The following MFSD11 variants were observed in gnomAD, a reference collection of about 807,000 sequenced individuals.
The protein encoded by MFSD11 is major facilitator superfamily domain containing 11, also known as UNC93-like protein MFSD11.
MFSD11 carries 36 observed loss-of-function variants against 53.5 expected under a neutral mutation model. That is an observed-to-expected ratio of 0.67 (90% CI 0.52 to 0.89). The LOEUF is 0.89. Ranked by LOEUF, MFSD11 falls within the 40% of genes least tolerant of loss-of-function variation. MFSD11 has a pLI of 0.00. For synonymous variants in MFSD11, 186 were observed against 184.9 expected (o/e 1.01, Z -0.05); for missense variants, 530 against 543.9 (o/e 0.97, Z 0.25).
rs191139387 is a variant in MFSD11, at chr17:76,767,696, C to T, written c.748+245C>T. On this transcript the variant is annotated intron_variant, in intron 9 of 12. Coordinates refer to ENST00000685175, the MANE Select transcript of MFSD11 (RefSeq NM_001242532.5). ...CAGAGCTGCTCTCCATCTCCACGACCCCCTCCATAAGATCACCTTGTGATC... is the reference window on the plus strand; with the variant it reads ...CAGAGCTGCTCTCCATCTCCACGACTCCCTCCATAAGATCACCTTGTGATC... Among the ~76,000 whole-genome samples, 487 of 152,002 alleles carry T rather than the reference C, an allele frequency of 3.2e-3. 1 individual carries two copies. The highest frequency in any genetic ancestry group is 6.0e-3 in the Admixed American group (91 of 15,240).
At position 76,776,788 on chromosome 17, in the gene MFSD11, A is replaced by ACC. The variant is rs2081872369; in HGVS notation, c.1185+248_1185+249insCC. Among the ~76,000 whole-genome samples, 1 of 151,548 alleles carries ACC rather than the reference A, an allele frequency of 6.6e-6. No individual in the cohort carries two copies. The highest frequency in any genetic ancestry group is 1.5e-5 in the Non-Finnish European group (1 of 67,924). On this transcript the variant is annotated intron_variant, in intron 12 of 12. Coordinates refer to ENST00000685175, the MANE Select transcript of MFSD11 (RefSeq NM_001242532.5). The surrounding 1 kb of genome is among the most constrained non-coding windows in gnomAD (Gnocchi z 4.2). ...CCTGAGTAGCTGAGATTACAGGTGC[A>ACC]CACCACCATGCCTGGCTAATTTTTG...
At chr17:76,798,588 C>G in the MFSD11 span, among the ~76,000 whole-genome samples, 9 of 152,046 alleles carry the variant, frequency 5.9e-5, no homozygotes, top group Admixed American at 5.9e-4. Flanking sequence ...CAGGAAATTC[C>G]AAGGCTTGTA....
chr17:76,744,808 A>G (rs1347593333), intron 7 of MFSD11, among the ~76,000 whole-genome samples: 1 of 152,162 alleles, frequency 6.6e-6, no homozygotes, highest in Non-Finnish European at 1.5e-5. Flanking sequence ...AATAGAAGGC[A>G]GTGTTGACCT....
chr17:76,790,549 C>T, the MFSD11 span, among the ~76,000 whole-genome samples: 4 of 147,230 alleles, frequency 2.7e-5, no homozygotes, highest in South Asian at 6.8e-4. Flanking sequence ...AACTCCTGGG[C>T]TCAAGCAATC....
At chr17:76,789,987 T>C in the MFSD11 span, among the ~76,000 whole-genome samples, 724 of 150,562 alleles carry the variant, frequency 4.8e-3, 36 homozygotes, top group African/African-American at 0.016. Flanking sequence ...CATAATTACT[T>C]TGGCTTGTTT....
chr17:76,795,076 GA>G, the MFSD11 span, among the ~76,000 whole-genome samples: 2 of 152,016 alleles, frequency 1.3e-5, no homozygotes, highest in Admixed American at 6.6e-5. Context: ...AAAATATGGG[GA>G]AAAAAATTGT....
At chr17:76,736,703 G>A (rs151217137), upstream of MFSD11, 3 of 1,327,138 alleles carry the variant, frequency 2.3e-6, no homozygotes, top group Non-Finnish European at 2.9e-6. Flanking sequence ...CCCCGTCCGG[G>A]CCCGCACCAC....
chr17:76,737,280 C>A, upstream of MFSD11: 1 of 1,358,536 alleles, frequency 7.4e-7, no homozygotes, highest in Non-Finnish European at 9.8e-7. Flanking sequence ...AAAGGCCTTG[C>A]CGCAGAACAG....
At chr17:76,801,795 T>G in the MFSD11 span, among the ~76,000 whole-genome samples, 1 of 152,130 alleles carries the variant, frequency 6.6e-6, no homozygotes, top group Non-Finnish European at 1.5e-5. Flanking sequence ...GGCTGGCTTC[T>G]TTACTGCATT....
chr17:76,800,516 T>C, the MFSD11 span, among the ~76,000 whole-genome samples: 1 of 152,186 alleles, frequency 6.6e-6, no homozygotes, highest in Non-Finnish European at 1.5e-5. Context: ...CTGTGGGTAA[T>C]AGCCAACTCG....
At chr17:76,742,960 A>G (rs892529493) in intron 5 of MFSD11, among the ~76,000 whole-genome samples, 1 of 152,248 alleles carries the variant, frequency 6.6e-6, no homozygotes, top group East Asian at 1.9e-4. Flanking sequence ...AAAGAGTTGT[A>G]TATTAAGAAA....
In MFSD11 at chr17:76,775,063, G is replaced by A; in HGVS notation, c.941G>A (p.Gly314Asp). The part of the protein sequence containing the change: ...RFGRNPVVLL[G>D]ILVHFIAFYL... The stretch of plus-strand genomic sequence containing the variant: ...GGTAGAAATCCAGTTGTGCTGTTGG[G>A]CATCCTGGTGCACTTCATAGCTTTT... Residue 314 changes from glycine to aspartate, a missense_variant, in exon 11 of 13, where the codon GGC becomes GAC. Transcript: ENST00000685175. 1.2e-6 allele frequency: 2 copies of A among 1,614,050 alleles called. No homozygotes were observed. Among genetic ancestry groups the A allele is most frequent in the Non-Finnish European group, 1.7e-6 (2 of 1,179,956 alleles).
At chr17:76,737,302 T>C (rs1259514308), upstream of MFSD11, 5 of 1,200,978 alleles carry the variant, frequency 4.2e-6, no homozygotes, top group Admixed American at 2.9e-5. Context: ...ACGGACGGGC[T>C]CCGCAGGCTA....
chr17:76,744,550 A>C, intron 7 of MFSD11, 84 bp downstream of exon 7: 1 of 1,239,282 alleles, frequency 8.1e-7, no homozygotes, highest in South Asian at 1.5e-5. Flanking sequence ...GTTTAGCCCT[A>C]ACTGATGTCC....
intron 8 of MFSD11, among the ~76,000 whole-genome samples, chr17:76,754,683 C>A (rs201682935): frequency 6.3e-3 from 755 of 119,168 alleles, no homozygotes; most frequent in Middle Eastern, 0.013. Flanking sequence ...GACTCCATCT[C>A]AAAAAAAAAA....
chr17:76,769,534 G>A (rs936132939), intron 9 of MFSD11: 1 of 392,086 alleles, frequency 2.6e-6, no homozygotes, highest in Admixed American at 4.4e-5. Flanking sequence ...ATGTGAATCT[G>A]GGGAGGACAC....
chr17:76,753,934 C>A, intron 7 of MFSD11, 113 bp from the exon 8 acceptor site: 1 of 825,794 alleles, frequency 1.2e-6, no homozygotes, highest in Non-Finnish European at 1.9e-6. Flanking sequence ...GGGAATGCAT[C>A]TCAGACCTGG....
downstream of MFSD11, among the ~76,000 whole-genome samples, chr17:76,782,547 C>T (rs1444301806): frequency 3.0e-5 from 4 of 132,560 alleles, no homozygotes; most frequent in South Asian, 2.6e-4. Context: ...GGCGCAATCT[C>T]GGCTCACTGC....
At chr17:76,753,383 A>G (rs2144430515) in intron 7 of MFSD11, among the ~76,000 whole-genome samples, 1 of 152,320 alleles carries the variant, frequency 6.6e-6, no homozygotes, top group South Asian at 2.1e-4. Flanking sequence ...TTTGAAGGTA[A>G]CAGGATAGGC....
Sources: allele counts gnomAD v4.1 joint callset (sites outside exome capture counted in the v4.1 genomes callset), GRCh38; gene constraint gnomAD v4.1.1; non-coding constraint Gnocchi (gnomAD v3.1); transcripts MANE v1.5; gene names NCBI Gene and HGNC (gene_info 2026-07-23, HGNC 2026-07-21).